Variants in XRCC2 observed in about 807,000 individuals in gnomAD.
The protein encoded by XRCC2 is X-ray repair cross complementing 2.
Under a neutral mutation model 27.3 loss-of-function variants are expected in XRCC2, and 24 were observed. The ratio of observed to expected loss-of-function variants is 0.88; its 90% CI spans 0.64 to 1.24. The LOEUF is 1.24. XRCC2 is among the 50% of genes most tolerant of loss of function. The pLI is 0.00. For synonymous variants in XRCC2, 106 were observed against 115.4 expected (o/e 0.92, Z 0.52); for missense variants, 321 against 325.8 (o/e 0.99, Z 0.11).
At chr7:152,654,323 G>C (rs918629458) in intron 2 of XRCC2, among the ~76,000 whole-genome samples, 3 of 151,932 alleles carry the variant, frequency 2.0e-5, no homozygotes, top group Non-Finnish European at 4.4e-5. Flanking sequence ...GGGTATTATG[G>C]ACCTAAAATT....
chr7:152,666,864 C>G (rs1408613767), intron 1 of XRCC2, among the ~76,000 whole-genome samples: 4 of 151,664 alleles, frequency 2.6e-5, no homozygotes. Flanking sequence ...GTGATCCACC[C>G]GCCTCAGCCT....
At chr7:152,656,157 C>T (rs568311010) in intron 2 of XRCC2, among the ~76,000 whole-genome samples, 70 of 151,888 alleles carry the variant, frequency 4.6e-4, no homozygotes, top group Admixed American at 2.4e-3. Context: ...CCATGGCACG[C>T]GTTTATCTAT....
intron 1 of XRCC2, among the ~76,000 whole-genome samples, chr7:152,663,599 G>A (rs985572325): frequency 3.3e-5 from 5 of 152,176 alleles, no homozygotes; most frequent in Non-Finnish European, 7.3e-5. Context: ...AGTCCCTCGG[G>A]AGGACAAGGC....
At chr7:152,674,535 C>T (rs1408743602) in intron 1 of XRCC2, among the ~76,000 whole-genome samples, 1 of 151,334 alleles carries the variant, frequency 6.6e-6, no homozygotes, top group Non-Finnish European at 1.5e-5. Flanking sequence ...TCGCTTGAAC[C>T]CGGGAGGCGG....
chr7:152,662,314 TGAG>T (rs2098033464), intron 1 of XRCC2, among the ~76,000 whole-genome samples: 1 of 151,808 alleles, frequency 6.6e-6, no homozygotes. Context: ...GGGACAGATG[TGAG>T]GAGAGTTAAA....
chr7:152,654,623 T>G (rs1318020985), intron 2 of XRCC2, among the ~76,000 whole-genome samples: 15 of 152,188 alleles, frequency 9.9e-5, no homozygotes, highest in Non-Finnish European at 1.5e-4. Flanking sequence ...CTTTTAAAAC[T>G]GAGATACTCA....
intron 2 of XRCC2, among the ~76,000 whole-genome samples, chr7:152,653,275 G>A (rs1288892743): frequency 6.6e-6 from 1 of 152,058 alleles, no homozygotes; most frequent in East Asian, 1.9e-4. Flanking sequence ...CAATGATTGT[G>A]AGGCTTCCCC....
intron 2 of XRCC2, among the ~76,000 whole-genome samples, chr7:152,650,980 C>T (rs1018593418): frequency 3.2e-4 from 49 of 152,096 alleles, no homozygotes; most frequent in Admixed American, 9.8e-4. Context: ...TGTTCTGTTG[C>T]CTAGGCTGGA....
In XRCC2 at chr7:152,649,148, C is replaced by T. The variant is rs1438202364; in HGVS notation, c.337G>A (p.Gly113Arg). Residue 113 changes from glycine (G) to arginine (R), a missense_variant, in exon 3 of 3, where the codon GGA (glycine) becomes AGA (arginine). By Grantham distance (125) the Gly-to-Arg change is moderately radical. Coordinates refer to ENST00000359321, the MANE Select transcript of XRCC2 (RefSeq NM_005431.2). The part of the protein sequence containing the change: ...SSEEIIKYCL[G>R]RFFLVYCSSS... ...CTGCAGTACACCAAAAAAAATCTTCCCAGGCAGTATTTGATTATTTCTTCA... is the reference window on the plus strand; with the variant it reads ...CTGCAGTACACCAAAAAAAATCTTCTCAGGCAGTATTTGATTATTTCTTCA... The T allele has an allele frequency of 1.9e-6, 3 of 1,613,590 alleles. No individual in the cohort carries two copies. Among genetic ancestry groups the T allele is most frequent in the Admixed American group, 3.3e-5 (2 of 59,970 alleles).
Position 152,646,259 on chromosome 7 carries a change from A to T in XRCC2, c.*2383T>A, listed in dbSNP as rs1240701046. On this transcript the variant is annotated 3_prime_UTR_variant, in exon 3 of 3. Transcript: ENST00000359321. ...ACTAATTCTTCTGCTCCTAATGTCA[A>T]ATTATATGCTTTTCTTGCCACGTAT... 1 of 147,916 alleles carries T rather than the reference A, an allele frequency of 6.8e-6. No individual in the cohort carries two copies. Among genetic ancestry groups the T allele is most frequent in the Non-Finnish European group, 1.5e-5 (1 of 67,446 alleles). The allele number at this position is 147,916 out of a possible 1,614,324, so 9.2% of individuals were successfully genotyped here. A position where few individuals can be genotyped will look rare whatever the true frequency, so the allele number is the denominator to read the frequency against.
chr7:152,672,160 AT>A (rs2098038445), intron 1 of XRCC2, among the ~76,000 whole-genome samples: 1 of 152,188 alleles, frequency 6.6e-6, no homozygotes, highest in Admixed American at 6.5e-5. Context: ...GCGTAGGTAA[AT>A]AGCTTAGAGG....
chr7:152,655,635 G>C (rs1051126846), intron 2 of XRCC2, among the ~76,000 whole-genome samples: 14 of 152,150 alleles, frequency 9.2e-5, no homozygotes, highest in African/African-American at 3.4e-4. Context: ...CCTGAGCCCG[G>C]GGGTTGGTCG....
intron 1 of XRCC2, among the ~76,000 whole-genome samples, chr7:152,668,913 T>C (rs944867253): frequency 1.1e-4 from 16 of 152,214 alleles, no homozygotes; most frequent in African/African-American, 3.9e-4. Flanking sequence ...ACCCTATTTG[T>C]TACTATTGTA....
intron 1 of XRCC2, among the ~76,000 whole-genome samples, chr7:152,674,747 T>TATATATAATATATA (rs2098040013): frequency 1.7e-5 from 1 of 58,132 alleles, no homozygotes; most frequent in African/African-American, 3.7e-5. Flanking sequence ...ATAAATATAT[T>TATATATAATATATA]TTTAAATATA....
chr7:152,675,751 A>G (rs55856921), intron 1 of XRCC2, among the ~76,000 whole-genome samples: 6 of 152,252 alleles, frequency 3.9e-5, no homozygotes, highest in African/African-American at 1.2e-4. Context: ...GAGACCTCGT[A>G]TGTTATATCG....
intron 1 of XRCC2, among the ~76,000 whole-genome samples, chr7:152,670,575 G>A (rs1363424830): frequency 2.0e-5 from 3 of 151,640 alleles, no homozygotes; most frequent in Non-Finnish European, 4.4e-5. Context: ...TCAGTATATC[G>A]CCTATTTAGT....
intron 2 of XRCC2, among the ~76,000 whole-genome samples, chr7:152,653,039 G>A (rs1360565346): frequency 2.0e-5 from 3 of 152,142 alleles, no homozygotes; most frequent in Admixed American, 2.0e-4. Flanking sequence ...AGGTGATATG[G>A]TTAGGCTGTG....
At chr7:152,652,308 A>G (rs1352109222) in intron 2 of XRCC2, among the ~76,000 whole-genome samples, 1 of 151,712 alleles carries the variant, frequency 6.6e-6, no homozygotes, top group African/African-American at 2.4e-5. Flanking sequence ...CTCTCTTACT[A>G]TGTTACTGAG....
rs2098039828 is a variant in XRCC2, at chr7:152,674,728, A to ATATAAATATATTTTAAAATATG, written c.39+1312_39+1313insCATATTTTAAAATATATTTATA. On this transcript the variant is annotated intron_variant, in intron 1 of 2. Transcript: ENST00000359321. ...ATTTATATAATATATTTTTAAATAT[A>ATATAAATATATTTTAAAATATG]TATTATATATAAATATATTTTTAAA... Among the ~76,000 whole-genome samples the ATATAAATATATTTTAAAATATG allele has an allele frequency of 3.8e-5, 4 of 104,428 alleles. 1 individual carries two copies. The highest frequency in any genetic ancestry group is 8.1e-5 in the Non-Finnish European group (4 of 49,632). The allele number at this position is 104,428 out of a possible 152,430, so 68.5% of individuals were successfully genotyped here.
Sources: gnomAD v4.1 joint callset for allele counts (sites outside exome capture counted in the v4.1 genomes callset) on GRCh38, gnomAD v4.1.1 for gene constraint, MANE v1.5 for transcripts, NCBI Gene and HGNC (gene_info 2026-07-23, HGNC 2026-07-21) for gene names.